Variants in ADGRB3 observed in about 807,000 individuals in gnomAD.
The protein encoded by ADGRB3 is brain-specific angiogenesis inhibitor 3.
A neutral mutation model predicts 193.4 loss-of-function variants in ADGRB3; 37 were observed. The observed-to-expected ratio is 0.19, with a 90% CI of 0.15 to 0.25. The LOEUF (loss-of-function observed/expected upper bound fraction) is 0.25. Among genes scored for constraint, ADGRB3 ranks in the 10% least tolerant of loss-of-function variants. The pLI is 1.00. For synonymous variants in ADGRB3, 690 were observed against 644.2 expected, an observed-to-expected ratio of 1.07 and a Z score of -1.08; for missense variants, 1,637 against 1,852.9, an observed-to-expected ratio of 0.88 and a Z score of 2.14.
At chr6:68,846,369 G>A (rs183897820) in intron 3 of ADGRB3, among the ~76,000 whole-genome samples, 49 of 152,226 alleles carry the variant, frequency 3.2e-4, no homozygotes, top group African/African-American at 1.1e-3. Context: ...ATAGCAAGGA[G>A]CCTAATCTTA....
intron 27 of ADGRB3, among the ~76,000 whole-genome samples, 187 bp downstream of exon 27, chr6:69,354,515 T>C (rs1172350763): frequency 6.6e-6 from 1 of 152,156 alleles, no homozygotes; most frequent in East Asian, 1.9e-4. Flanking sequence ...CCAGGACATG[T>C]TGTTGGCTCC....
chr6:68,805,367 A>G (rs73745876), intron 3 of ADGRB3, among the ~76,000 whole-genome samples: 4,004 of 152,206 alleles, frequency 0.026, 81 homozygotes, highest in African/African-American at 0.051. Flanking sequence ...ATCTCCCCCA[A>G]ATATTGATTA....
intron 3 of ADGRB3, among the ~76,000 whole-genome samples, chr6:68,707,939 C>G (rs543052012): frequency 6.6e-6 from 1 of 152,216 alleles, no homozygotes; most frequent in East Asian, 1.9e-4. Context: ...AGTTCCTGTG[C>G]AAGAGGATGG....
At chr6:69,002,002 A>C (rs1430214302) in intron 11 of ADGRB3, among the ~76,000 whole-genome samples, 1 of 152,194 alleles carries the variant, frequency 6.6e-6, no homozygotes, top group Non-Finnish European at 1.5e-5. Context: ...GAAACAGGTC[A>C]TTACTCAACA....
At chr6:68,774,684 A>T (rs1766704589) in intron 3 of ADGRB3, among the ~76,000 whole-genome samples, 1 of 151,844 alleles carries the variant, frequency 6.6e-6, no homozygotes, top group African/African-American at 2.4e-5. Flanking sequence ...TCAGTTACTT[A>T]TTTGTTTCTA....
intron 10 of ADGRB3, among the ~76,000 whole-genome samples, chr6:68,982,928 G>A (rs563116006): frequency 8.6e-5 from 13 of 151,530 alleles, no homozygotes; most frequent in African/African-American, 3.1e-4. Flanking sequence ...TTAAATATTT[G>A]GCTTACCTCA....
chr6:68,709,646 C>A (rs1176308654), intron 3 of ADGRB3, among the ~76,000 whole-genome samples: 2 of 152,046 alleles, frequency 1.3e-5, no homozygotes, highest in African/African-American at 2.4e-5. Flanking sequence ...ACTGAGAGAA[C>A]AAAGCAACTA....
At chr6:69,369,429 G>T (rs181534489) in intron 29 of ADGRB3, among the ~76,000 whole-genome samples, 5,218 of 152,164 alleles carry the variant, frequency 0.034, 155 homozygotes, top group Admixed American at 0.094. Flanking sequence ...CTGGGGTGGA[G>T]CCTCACGCCT....
At chr6:69,200,141 C>A (rs1181942625) in intron 17 of ADGRB3, among the ~76,000 whole-genome samples, 1 of 147,174 alleles carries the variant, frequency 6.8e-6, no homozygotes, top group Non-Finnish European at 1.5e-5. Flanking sequence ...AAAAAAAAAA[C>A]AGAGAAAACT....
chr6:69,382,790 C>A, intron 30 of ADGRB3, 41 bp from the exon 31 acceptor site: 1 of 1,380,498 alleles, frequency 7.2e-7, no homozygotes, highest in Non-Finnish European at 1.0e-6. Flanking sequence ...GAAAAACATA[C>A]ATCAAGTTGG....
rs140491162 is a variant in ADGRB3, at chr6:69,131,008, A to G, written c.2480+54970A>G. Among the ~76,000 whole-genome samples the G allele has an allele frequency of 3.9e-4, 60 of 152,254 alleles. 1 individual carries two copies. The East Asian group carries it at 0.011, about 27-fold the overall frequency. On this transcript the variant is annotated intron_variant, in intron 17 of 31. Coordinates refer to ENST00000370598, the MANE Select transcript of ADGRB3 (RefSeq NM_001704.3). ...ATTACTTTTTATAAGAAAATCTCCA[A>G]ATGAAAGTTAAGAACCACTAAAACA...
intron 17 of ADGRB3, among the ~76,000 whole-genome samples, chr6:69,144,185 A>G (rs1774418309): frequency 6.6e-6 from 1 of 152,128 alleles, no homozygotes; most frequent in South Asian, 2.1e-4. Flanking sequence ...TACTTTTTAA[A>G]TTTCTTTTTC....
intron 3 of ADGRB3, among the ~76,000 whole-genome samples, chr6:68,741,242 T>C (rs938503001): frequency 6.6e-6 from 1 of 152,162 alleles, no homozygotes; most frequent in Admixed American, 6.5e-5. Context: ...ACAAAAACTA[T>C]TTTTATCCAC....
intron 3 of ADGRB3, among the ~76,000 whole-genome samples, chr6:68,883,451 ATTTGCTC>A (rs1010191419): frequency 6.6e-6 from 1 of 152,104 alleles, no homozygotes; most frequent in Non-Finnish European, 1.5e-5. Flanking sequence ...AGCTTTGTTT[ATTTGCTC>A]TTTGCAATAA....
intron 17 of ADGRB3, among the ~76,000 whole-genome samples, chr6:69,078,621 A>G (rs1772300773): frequency 6.6e-6 from 1 of 152,002 alleles, no homozygotes; most frequent in African/African-American, 2.4e-5. Context: ...GACTATTGGC[A>G]TGATTTCTAA....
At chr6:68,739,979 C>A (rs1160773034) in intron 3 of ADGRB3, among the ~76,000 whole-genome samples, 1 of 148,114 alleles carries the variant, frequency 6.8e-6, no homozygotes, top group African/African-American at 2.5e-5. Context: ...AAGTGAAAAA[C>A]AACATTAATA....
chr6:69,232,428 G>A (rs1766164093), intron 17 of ADGRB3: 2 of 1,484,368 alleles, frequency 1.3e-6, no homozygotes, highest in Non-Finnish European at 1.8e-6. Flanking sequence ...ATTTTAAATG[G>A]CTACACCAAA....
chr6:68,813,256 G>A (rs1423945730), intron 3 of ADGRB3, among the ~76,000 whole-genome samples: 1 of 152,048 alleles, frequency 6.6e-6, no homozygotes, highest in Non-Finnish European at 1.5e-5. Flanking sequence ...TGATTGTGAG[G>A]CCTCCCCAGC....
At chr6:68,845,950 G>A (rs1011659325) in intron 3 of ADGRB3, among the ~76,000 whole-genome samples, 4 of 152,146 alleles carry the variant, frequency 2.6e-5, no homozygotes, top group African/African-American at 9.7e-5. Flanking sequence ...GAAAATGTGG[G>A]AAAGTTTAGA....
Sources: gnomAD v4.1 joint callset for allele counts (sites outside exome capture counted in the v4.1 genomes callset) on GRCh38, gnomAD v4.1.1 for gene constraint, MANE v1.5 for transcripts, NCBI Gene and HGNC (gene_info 2026-07-23, HGNC 2026-07-21) for gene names.